CNTNAP2: variants seen among roughly 807,000 people sequenced by gnomAD.
CNTNAP2 encodes contactin associated protein 2.
CNTNAP2 carries 98 observed loss-of-function variants against 155.2 expected under a neutral mutation model. The observed-to-expected ratio is 0.63, with a 90% confidence interval of 0.54 to 0.75. The LOEUF (loss-of-function observed/expected upper bound fraction) is 0.75, where lower values mean the gene tolerates loss of function less well. Ranked by LOEUF, CNTNAP2 falls within the 30% of genes least tolerant of loss-of-function variation. CNTNAP2 has a pLI of 0.00. For missense variants in CNTNAP2, 1,727 were observed against 1,688.1 expected (o/e 1.02, Z -0.40); for synonymous variants, 651 against 631.2 (o/e 1.03, Z -0.47).
At chr7:147,017,222 C>T (rs1175363730) in intron 3 of CNTNAP2, among the ~76,000 whole-genome samples, 1 of 151,924 alleles carries the variant, frequency 6.6e-6, no homozygotes, top group African/African-American at 2.4e-5. Context: ...TGTCTTCCTT[C>T]CCAACATCGC....
chr7:147,485,928 C>G lies in CNTNAP2; in HGVS notation c.1671-7C>G, dbSNP rs1216971669. 3 of 1,613,700 alleles carry G rather than the reference C, an allele frequency of 1.9e-6. No homozygotes were observed. Among genetic ancestry groups the G allele is most frequent in the Non-Finnish European group, 1.7e-6 (2 of 1,179,620 alleles). On this transcript the variant is annotated splice_polypyrimidine_tract_variant and splice_region_variant and intron_variant, in intron 10 of 23. Coordinates refer to ENST00000361727, the MANE Select transcript of CNTNAP2 (RefSeq NM_014141.6). The stretch of plus-strand genomic sequence containing the variant: ...GGTTTATTTCTGTTTGTCTCTCTCT[C>G]TGACAGATGTGTGCCCAATCACTGT...
intron 10 of CNTNAP2, among the ~76,000 whole-genome samples, chr7:147,434,614 G>A (rs1045419833): frequency 4.6e-5 from 7 of 152,194 alleles, no homozygotes; most frequent in Admixed American, 4.6e-4. Context: ...GTCTTGTTCT[G>A]CATATAATTG....
chr7:147,100,423 A>G (rs1800630266), intron 4 of CNTNAP2, among the ~76,000 whole-genome samples: 1 of 152,226 alleles, frequency 6.6e-6, no homozygotes, highest in Non-Finnish European at 1.5e-5. Flanking sequence ...TTAGCATACA[A>G]TGACTGCTCT....
At chr7:147,125,374 C>T (rs1442364899) in intron 6 of CNTNAP2, among the ~76,000 whole-genome samples, 3 of 152,156 alleles carry the variant, frequency 2.0e-5, no homozygotes, top group Non-Finnish European at 2.9e-5. Context: ...CCTCTTGTAG[C>T]TGCCTACACT....
intron 14 of CNTNAP2, among the ~76,000 whole-genome samples, chr7:147,931,872 T>C (rs1053555575): frequency 6.6e-6 from 1 of 152,084 alleles, no homozygotes; most frequent in Non-Finnish European, 1.5e-5. Context: ...CTTTTTTCTT[T>C]ATTTTATTTT....
intron 8 of CNTNAP2, among the ~76,000 whole-genome samples, chr7:147,294,683 A>C (rs1805394423): frequency 6.6e-6 from 1 of 151,964 alleles, no homozygotes; most frequent in African/African-American, 2.4e-5. Context: ...TTTGAGATGA[A>C]GTTTTGCTCT....
intron 10 of CNTNAP2, among the ~76,000 whole-genome samples, chr7:147,466,084 T>C (rs1320714984): frequency 6.6e-6 from 1 of 152,184 alleles, no homozygotes; most frequent in Admixed American, 6.5e-5. Flanking sequence ...TGGGAGCCTG[T>C]AGAATAAAGG....
At chr7:147,982,086 T>C (rs1801541285) in intron 15 of CNTNAP2, among the ~76,000 whole-genome samples, 2 of 152,190 alleles carry the variant, frequency 1.3e-5, no homozygotes. Flanking sequence ...ACTTTCATAC[T>C]TTCATGAAAT....
intron 18 of CNTNAP2, among the ~76,000 whole-genome samples, chr7:148,173,131 G>T (rs189088568): frequency 6.6e-6 from 1 of 152,116 alleles, no homozygotes; most frequent in East Asian, 1.9e-4. Flanking sequence ...AGTAGATTCC[G>T]CAGAGCCAAT....
intron 1 of CNTNAP2, among the ~76,000 whole-genome samples, chr7:146,456,218 A>C (rs567222052): frequency 6.6e-6 from 1 of 152,328 alleles, no homozygotes; most frequent in South Asian, 2.1e-4. Flanking sequence ...TTGATTTCCA[A>C]AATCAAAAGT....
intron 1 of CNTNAP2, among the ~76,000 whole-genome samples, chr7:146,310,399 T>A (rs953182680): frequency 1.4e-4 from 21 of 152,208 alleles, no homozygotes; most frequent in African/African-American, 4.6e-4. Context: ...ATTCCTCAGT[T>A]GTTTTTAAAA....
intron 14 of CNTNAP2, among the ~76,000 whole-genome samples, chr7:147,941,372 C>T (rs1800718715): frequency 6.6e-6 from 1 of 152,164 alleles, no homozygotes; most frequent in African/African-American, 2.4e-5. Context: ...GAATCTGCCT[C>T]ATACTAGGAT....
intron 1 of CNTNAP2, among the ~76,000 whole-genome samples, chr7:146,664,630 A>G (rs1563178887): frequency 1.3e-5 from 2 of 152,096 alleles, no homozygotes; most frequent in African/African-American, 2.4e-5. Context: ...ATTTCTCCAC[A>G]AGGTTTTCTA....
chr7:147,348,820 G>T (rs996204018), intron 9 of CNTNAP2, among the ~76,000 whole-genome samples: 10 of 151,928 alleles, frequency 6.6e-5, no homozygotes, highest in Non-Finnish European at 1.0e-4. Context: ...CTATTAAAAA[G>T]AATGAAATCC....
At chr7:147,305,303 G>T (rs1401628993) in intron 9 of CNTNAP2, among the ~76,000 whole-genome samples, 9 of 152,116 alleles carry the variant, frequency 5.9e-5, no homozygotes, top group Non-Finnish European at 1.3e-4. Context: ...AAGTAGTTAT[G>T]TTTTAAAATA....
At position 147,697,392 on chromosome 7, in the gene CNTNAP2, G is replaced by A. The variant is rs988406235; in HGVS notation, c.2098+58086G>A. The stretch of plus-strand genomic sequence containing the variant: ...CTGACTCTGGTTCTGATGCTAATTC[G>A]ATCGATCTCGCCAACTGTGGTTTTT... On this transcript the variant is annotated intron_variant, in intron 13 of 23. Transcript: ENST00000361727. Among the ~76,000 whole-genome samples, 11 of 151,278 alleles carry A rather than the reference G, an allele frequency of 7.3e-5. No individual in the cohort carries two copies. In the East Asian group the frequency reaches 9.7e-4, roughly 13 times the overall value.
chr7:148,316,193 T>G (rs879330791), intron 21 of CNTNAP2, among the ~76,000 whole-genome samples: 1 of 152,134 alleles, frequency 6.6e-6, no homozygotes, highest in Non-Finnish European at 1.5e-5. Flanking sequence ...AATGGGAAGC[T>G]GGCTTCATGG....
At chr7:147,511,106 T>C (rs1222035688) in intron 11 of CNTNAP2, among the ~76,000 whole-genome samples, 1 of 151,954 alleles carries the variant, frequency 6.6e-6, no homozygotes, top group Non-Finnish European at 1.5e-5. Context: ...TGAGGAAGCA[T>C]TATTTCCCAC....
intron 12 of CNTNAP2, among the ~76,000 whole-genome samples, chr7:147,579,046 T>TC (rs1256632205): frequency 6.6e-6 from 1 of 152,142 alleles, no homozygotes; most frequent in African/African-American, 2.4e-5. Context: ...TGCTTACACT[T>TC]CCCAGTCACT....
Sources: gnomAD v4.1 joint callset for allele counts (sites outside exome capture counted in the v4.1 genomes callset) on GRCh38, gnomAD v4.1.1 for gene constraint, MANE v1.5 for transcripts, NCBI Gene and HGNC (gene_info 2026-07-23, HGNC 2026-07-21) for gene names.